BCL2: variants seen among roughly 807,000 people sequenced by gnomAD.
The protein encoded by BCL2 is BCL2 apoptosis regulator.
BCL2 carries 1 observed loss-of-function variant against 14.2 expected under a neutral mutation model. That is an observed-to-expected ratio of 0.07 (90% confidence interval 0.02 to 0.33). BCL2 has a LOEUF of 0.33. Among genes scored for constraint, BCL2 ranks in the 10% least tolerant of loss-of-function variants. The pLI is 0.99. For missense variants in BCL2, 247 were observed against 305.9 expected, an observed-to-expected ratio of 0.81 and a Z score of 1.44; for synonymous variants, 151 against 137.2, an observed-to-expected ratio of 1.10 and a Z score of -0.70.
chr18:63,153,451 C>T (rs572599734), intron 2 of BCL2, among the ~76,000 whole-genome samples: 7 of 152,090 alleles, frequency 4.6e-5, no homozygotes, highest in Non-Finnish European at 8.8e-5. Flanking sequence ...ACAGAAAATG[C>T]ATATATGAAA....
At chr18:63,284,879 T>A (rs1912424048) in intron 2 of BCL2, among the ~76,000 whole-genome samples, 1 of 152,110 alleles carries the variant, frequency 6.6e-6, no homozygotes, top group African/African-American at 2.4e-5. Context: ...CAGCTCTGGC[T>A]ACAGACTGTG....
intron 2 of BCL2, among the ~76,000 whole-genome samples, chr18:63,199,992 T>C (rs1909645025): frequency 1.3e-5 from 2 of 152,020 alleles, no homozygotes; most frequent in Admixed American, 1.3e-4. Context: ...CAAGCCAGTC[T>C]CTCATGAACT....
At chr18:63,208,570 C>T (rs903790214) in intron 2 of BCL2, among the ~76,000 whole-genome samples, 2 of 149,072 alleles carry the variant, frequency 1.3e-5, no homozygotes, top group East Asian at 1.9e-4. Context: ...GTAAGTGTTT[C>T]GTGTTGGGGG....
chr18:63,309,707 C>T (rs967429217), intron 2 of BCL2, among the ~76,000 whole-genome samples: 1 of 152,160 alleles, frequency 6.6e-6, no homozygotes. Flanking sequence ...ATCCCTGGTA[C>T]AGTTAAACGC....
Position 63,258,317 on chromosome 18 carries a change from A to G in BCL2, c.585+59765T>C, listed in dbSNP as rs568365620. On this transcript the variant is annotated intron_variant, in intron 2 of 2. Coordinates refer to ENST00000333681, the MANE Select transcript of BCL2 (RefSeq NM_000633.3). ...TATTTTGTCACAGCAGCCCTAGAAA[A>G]CTAGTACAAATGGTACTACCATATA... is the stretch of plus-strand genomic sequence containing the variant. Among the ~76,000 whole-genome samples, 285 of 152,320 alleles carry G rather than the reference A, an allele frequency of 1.9e-3. 1 individual carries two copies. In the Middle Eastern group the frequency reaches 0.02, roughly 11 times the overall value.
chr18:63,147,579 TG>T (rs1457626255), intron 2 of BCL2, among the ~76,000 whole-genome samples: 1 of 152,214 alleles, frequency 6.6e-6, no homozygotes, highest in Admixed American at 6.5e-5. Flanking sequence ...AAAATCTTCA[TG>T]GCACCAGACA....
intron 2 of BCL2, among the ~76,000 whole-genome samples, chr18:63,221,574 C>CT (rs761453665): frequency 2.5e-4 from 38 of 152,344 alleles, no homozygotes; most frequent in Admixed American, 7.8e-4. Flanking sequence ...TCCCGAAGCC[C>CT]TGGGAATAGT....
chr18:63,301,830 A>G (rs2144284819), intron 2 of BCL2, among the ~76,000 whole-genome samples: 1 of 152,312 alleles, frequency 6.6e-6, no homozygotes, highest in East Asian at 1.9e-4. Flanking sequence ...CCTTCTCCTG[A>G]GATCAAACTC....
intron 2 of BCL2, among the ~76,000 whole-genome samples, chr18:63,251,240 A>G (rs1483357409): frequency 6.6e-6 from 1 of 152,094 alleles, no homozygotes; most frequent in Non-Finnish European, 1.5e-5. Flanking sequence ...ATGGTGGGTC[A>G]AGTGTGTCTT....
intron 2 of BCL2, among the ~76,000 whole-genome samples, chr18:63,301,658 T>G (rs1912963676): frequency 6.6e-6 from 1 of 152,202 alleles, no homozygotes; most frequent in Non-Finnish European, 1.5e-5. Context: ...GATCTTTTAC[T>G]CACAAATTAC....
chr18:63,140,796 G>C (rs1256917391), intron 2 of BCL2, among the ~76,000 whole-genome samples: 1 of 152,146 alleles, frequency 6.6e-6, no homozygotes, highest in Admixed American at 6.5e-5. Context: ...GAATTTTATG[G>C]CACGTGAACT....
chr18:63,279,991 A>G (rs1912262906), intron 2 of BCL2, among the ~76,000 whole-genome samples: 1 of 152,214 alleles, frequency 6.6e-6, no homozygotes, highest in African/African-American at 2.4e-5. Context: ...ACATGGCCTT[A>G]TGGGGGCTGG....
intron 2 of BCL2, among the ~76,000 whole-genome samples, chr18:63,216,964 T>C (rs1272344923): frequency 6.6e-6 from 1 of 152,210 alleles, no homozygotes; most frequent in Non-Finnish European, 1.5e-5. Flanking sequence ...AGGGGGAGGA[T>C]GGTGGCATCA....
chr18:63,146,954 C>A (rs765505110), intron 2 of BCL2, among the ~76,000 whole-genome samples: 3 of 152,190 alleles, frequency 2.0e-5, no homozygotes, highest in Non-Finnish European at 4.4e-5. Flanking sequence ...ATCATGTCTA[C>A]AATACCTTTT....
At chr18:63,280,565 T>A (rs757834115) in intron 2 of BCL2, among the ~76,000 whole-genome samples, 9 of 152,132 alleles carry the variant, frequency 5.9e-5, no homozygotes, top group Non-Finnish European at 1.3e-4. Context: ...GAATGGCCAA[T>A]CCGCACATAA....
chr18:63,216,999 G>T (rs1300963883), intron 2 of BCL2, among the ~76,000 whole-genome samples: 2 of 152,160 alleles, frequency 1.3e-5, no homozygotes, highest in African/African-American at 4.8e-5. Context: ...GCAGCAGGAG[G>T]CTTCCAAAAG....
intron 2 of BCL2, among the ~76,000 whole-genome samples, chr18:63,281,480 C>T (rs1185962451): frequency 6.6e-6 from 1 of 151,928 alleles, no homozygotes; most frequent in Admixed American, 6.6e-5. Context: ...GCCTGGGTAA[C>T]ACAGTGAGAC....
chr18:63,127,948 T>C lies in BCL2; in HGVS notation c.*677A>G, dbSNP rs3744936. 3.7e-4 allele frequency: 83 copies of C among 225,798 alleles called. 1 individual carries two copies. The East Asian group carries it at 5.3e-3, about 14-fold the overall frequency. The allele number at this position is 225,798 out of a possible 1,614,324, so 14.0% of individuals were successfully genotyped here. ...GATTTAAGGGCATTTTTCCCATCGC[T>C]GTCCTTCGGCGTGGAAATCTCAGTG... On this transcript the variant is annotated 3_prime_UTR_variant, in exon 3 of 3. Coordinates refer to ENST00000333681, the MANE Select transcript of BCL2 (RefSeq NM_000633.3).
At chr18:63,148,985 G>A (rs536541853) in intron 2 of BCL2, among the ~76,000 whole-genome samples, 3 of 152,096 alleles carry the variant, frequency 2.0e-5, no homozygotes, top group South Asian at 4.2e-4. Flanking sequence ...ACTCAATCAC[G>A]CGGCCTCCCT....
Sources: gnomAD v4.1 joint callset for allele counts (sites outside exome capture counted in the v4.1 genomes callset) on GRCh38, gnomAD v4.1.1 for gene constraint, MANE v1.5 for transcripts, NCBI Gene and HGNC (gene_info 2026-07-23, HGNC 2026-07-21) for gene names.